Variants in DOP1B observed in about 807,000 individuals in gnomAD.
DOP1B encodes the protein protein DOP1B.
Under a neutral mutation model 233.5 loss-of-function variants are expected in DOP1B, and 174 were observed. The ratio of observed to expected loss-of-function variants is 0.75; its 90% CI spans 0.66 to 0.85. The LOEUF is 0.85. Among genes scored for constraint, DOP1B ranks in the 40% least tolerant of loss-of-function variants. DOP1B has a pLI of 0.00. For missense variants in DOP1B, 2,652 were observed against 2,846.6 expected (o/e 0.93, Z 1.56); for synonymous variants, 1,190 against 1,185.6 (o/e 1.00, Z -0.08).
intron 9 of DOP1B, among the ~76,000 whole-genome samples, chr21:36,216,754 C>T (rs2066564477): frequency 6.6e-6 from 1 of 152,120 alleles, no homozygotes; most frequent in South Asian, 2.1e-4. Context: ...GTGTACCTAC[C>T]TCCTGGTAGC....
At chr21:36,284,496 CCT>C (rs2067460041) in intron 32 of DOP1B, among the ~76,000 whole-genome samples, 1 of 150,490 alleles carries the variant, frequency 6.6e-6, no homozygotes, top group Non-Finnish European at 1.5e-5. Context: ...GTCTCAAACT[CCT>C]GACCCCGTGA....
At chr21:36,228,420 A>G (rs1374452719) in intron 13 of DOP1B, among the ~76,000 whole-genome samples, 1 of 151,452 alleles carries the variant, frequency 6.6e-6, no homozygotes, top group Non-Finnish European at 1.5e-5. Flanking sequence ...CCATCACGCC[A>G]CTGCACTTAA....
At chr21:36,169,606 C>T in intron 2 of DOP1B, 4 of 983,926 alleles carry the variant, frequency 4.1e-6, no homozygotes, top group Non-Finnish European at 6.6e-6. Context: ...AGTCCAGCTT[C>T]TCAGCCATGG....
At chr21:36,261,938 G>A (rs1373917290) in intron 24 of DOP1B, 1 of 983,666 alleles carries the variant, frequency 1.0e-6, no homozygotes, top group Non-Finnish European at 1.2e-6. Context: ...GGGGTGGGAA[G>A]GGTATAGACC....
chr21:36,227,518 G>T (rs2082949825), intron 12 of DOP1B, among the ~76,000 whole-genome samples, 168 bp from the exon 13 acceptor site: 1 of 151,276 alleles, frequency 6.6e-6, no homozygotes, highest in South Asian at 2.1e-4. Context: ...CTGCACTCCA[G>T]CCTGGGCTAC....
At chr21:36,202,277 C>G (rs1249509500) in intron 4 of DOP1B, among the ~76,000 whole-genome samples, 1 of 152,184 alleles carries the variant, frequency 6.6e-6, no homozygotes, top group African/African-American at 2.4e-5. Context: ...GAACTCACTT[C>G]CAGCTTATTA....
rs2123600030 is a variant in DOP1B, at chr21:36,248,328, A to G, written c.4810-52A>G. 7 of 1,591,092 alleles carry G rather than the reference A, an allele frequency of 4.4e-6. No individual in the cohort carries two copies. In the Admixed American group the frequency reaches 1.2e-4, roughly 28 times the overall value. ...CTAGCACTGCTGCCCTCGTGGGAAG[A>G]AAAACCATTCCACAGACACAGCCTG... On this transcript the variant is annotated intron_variant, in intron 20 of 36. Transcript: ENST00000691173.
Position 36,176,097 on chromosome 21 carries a change from C to CATGTGTGTGTGTGTGTGT in DOP1B, c.138+11226_138+11227insATGTGTGTGTGTGTGTGT, listed in dbSNP as rs1555886144. On this transcript the variant is annotated intron_variant, in intron 2 of 36. Coordinates refer to ENST00000691173, the MANE Select transcript of DOP1B (RefSeq NM_001320714.2). Reference sequence around the variant, plus strand: ...GAGCTTCGACTTTGGGGTGTGTGTGCGTGTGTGTGTGTGTGTGTGTGTGTG... The same window carrying CATGTGTGTGTGTGTGTGT: ...GAGCTTCGACTTTGGGGTGTGTGTGCATGTGTGTGTGTGTGTGTGTGTGTGTGTGTGTGTGTGTGTGTG... Among the ~76,000 whole-genome samples the CATGTGTGTGTGTGTGTGT allele has an allele frequency of 3.5e-3, 500 of 141,836 alleles. 2 individuals are homozygous for CATGTGTGTGTGTGTGTGT. Among genetic ancestry groups the CATGTGTGTGTGTGTGTGT allele is most frequent in the Middle Eastern group, 0.014 (4 of 282 alleles). The allele number at this position is 141,836 out of a possible 152,430, so 93.0% of individuals were successfully genotyped here.
At chr21:36,232,774 T>C in intron 14 of DOP1B, 30 bp from the exon 15 acceptor site, 1 of 1,611,166 alleles carries the variant, frequency 6.2e-7, no homozygotes, top group Non-Finnish European at 8.5e-7. Flanking sequence ...GTTCTGCTTG[T>C]TTCTGCCTCT....
chr21:36,218,476 T>C (rs1468029377), intron 9 of DOP1B, among the ~76,000 whole-genome samples: 2 of 152,006 alleles, frequency 1.3e-5, no homozygotes, highest in East Asian at 3.9e-4. Context: ...TGAGCTGAAA[T>C]CATGCCACTG....
At chr21:36,210,226 G>A (rs566271391) in intron 5 of DOP1B, among the ~76,000 whole-genome samples, 8 of 152,186 alleles carry the variant, frequency 5.3e-5, no homozygotes, top group East Asian at 1.9e-4. Flanking sequence ...CTGACTTCCC[G>A]GCTGGGTGCG....
intron 2 of DOP1B, chr21:36,170,174 G>A: frequency 2.1e-6 from 1 of 473,244 alleles, no homozygotes; most frequent in Non-Finnish European, 3.9e-6. Context: ...AACTTTCTGT[G>A]AGACATCACA....
chr21:36,197,567 A>G (rs946783613), intron 2 of DOP1B, among the ~76,000 whole-genome samples: 2 of 152,194 alleles, frequency 1.3e-5, no homozygotes, highest in African/African-American at 2.4e-5. Flanking sequence ...CTGCCCTCGC[A>G]CTGTAGAGGG....
Position 36,288,016 on chromosome 21 carries a change from C to T in DOP1B, c.6163C>T (p.Arg2055Cys), listed in dbSNP as rs145488940. ...TCTTTACAATCTTCTTTCCTTAGAACGCCTGACAGACAATCTCAGAGTTGG... is the reference window on the plus strand; with the variant it reads ...TCTTTACAATCTTCTTTCCTTAGAATGCCTGACAGACAATCTCAGAGTTGG... ...YHLYLPLIQERLTDNLRVGQT... is the reference protein window; with the variant it reads ...YHLYLPLIQECLTDNLRVGQT... The change falls in exon 33 of 37, where the codon CGC becomes TGC. Residue 2055 changes from arginine to cysteine, a missense_variant and splice_region_variant. Physicochemically the swap from Arg to Cys is radical, Grantham distance 180 (BLOSUM62 -3). Transcript: ENST00000691173. 2.2e-3 allele frequency: 3,480 copies of T among 1,612,192 alleles called. 8 individuals are homozygous for T. Among genetic ancestry groups the T allele is most frequent in the Non-Finnish European group, 2.7e-3 (3,170 of 1,179,596 alleles).
At position 36,208,952 on chromosome 21, in the gene DOP1B, G is replaced by A. The variant is rs377479673; in HGVS notation, c.681+48G>A. The A allele has an allele frequency of 6.0e-5, 88 of 1,454,752 alleles. No individual in the cohort carries two copies. The Middle Eastern group carries it at 1.3e-3, about 22-fold the overall frequency. The allele number at this position is 1,454,752 out of a possible 1,614,324, so 90.1% of individuals were successfully genotyped here. On this transcript the variant is annotated intron_variant, in intron 5 of 36. Coordinates refer to ENST00000691173, the MANE Select transcript of DOP1B (RefSeq NM_001320714.2). ...GGCATGGGGAGGAGGCGACATGTGG[G>A]CACAGCATCCTCATGGGCAGGTTGT...
At chr21:36,238,104 T>C (rs1165124559) in intron 16 of DOP1B, among the ~76,000 whole-genome samples, 1 of 152,164 alleles carries the variant, frequency 6.6e-6, no homozygotes, top group Non-Finnish European at 1.5e-5. Flanking sequence ...GAGGCGGAGG[T>C]TGCGGTGAGC....
chr21:36,278,578 T>G (rs1210353131), intron 30 of DOP1B, among the ~76,000 whole-genome samples: 2 of 152,084 alleles, frequency 1.3e-5, no homozygotes, highest in Non-Finnish European at 2.9e-5. Context: ...GAGAGCATGT[T>G]ATTTCCTGGC....
At chr21:36,270,578 A>G (rs1425667876) in intron 27 of DOP1B, among the ~76,000 whole-genome samples, 1 of 144,610 alleles carries the variant, frequency 6.9e-6, no homozygotes, top group Non-Finnish European at 1.5e-5. Context: ...AAAAAAAAAA[A>G]GTATTTAGAG....
At chr21:36,174,411 C>T (rs1349901422) in intron 2 of DOP1B, among the ~76,000 whole-genome samples, 1 of 152,204 alleles carries the variant, frequency 6.6e-6, no homozygotes, top group African/African-American at 2.4e-5. Flanking sequence ...TTTCTGGAAC[C>T]TGGGTGGCGG....
Sources: gnomAD v4.1 joint callset for allele counts (sites outside exome capture counted in the v4.1 genomes callset) on GRCh38, gnomAD v4.1.1 for gene constraint, MANE v1.5 for transcripts, NCBI Gene and HGNC (gene_info 2026-07-23, HGNC 2026-07-21) for gene names.